Variants in MFSD8 observed in about 807,000 individuals in gnomAD.
The protein encoded by MFSD8 is major facilitator superfamily domain containing 8, also known as major facilitator superfamily domain-containing protein 8.
Under a neutral mutation model 66.4 loss-of-function variants are expected in MFSD8, and 55 were observed. The ratio of observed to expected loss-of-function variants is 0.83; its 90% confidence interval spans 0.67 to 1.04. MFSD8 has a LOEUF of 1.04. Among genes scored for constraint, MFSD8 ranks in the 50% least tolerant of loss-of-function variants. The pLI is 0.00. For synonymous variants in MFSD8, 202 were observed against 212.8 expected, an observed-to-expected ratio of 0.95 and a Z score of 0.44; for missense variants, 550 against 627.6, an observed-to-expected ratio of 0.88 and a Z score of 1.32.
intron 8 of MFSD8, 56 bp from the exon 9 acceptor site, chr4:127,930,873 AAAGTGAAGTG>A: frequency 6.6e-7 from 1 of 1,506,776 alleles, no homozygotes; most frequent in African/African-American, 1.4e-5. Flanking sequence ...TGTTATACTT[AAAGTGAAGTG>A]TAAGTTTTAA....
At chr4:127,947,540 T>C (rs1429097053) in intron 3 of MFSD8, among the ~76,000 whole-genome samples, 1 of 142,488 alleles carries the variant, frequency 7.0e-6, no homozygotes, top group African/African-American at 2.7e-5. Flanking sequence ...ATCACGCCAC[T>C]GCATGCCAGC....
At chr4:127,963,664 C>T (rs1004919004) in intron 1 of MFSD8, among the ~76,000 whole-genome samples, 1 of 152,158 alleles carries the variant, frequency 6.6e-6, no homozygotes, top group African/African-American at 2.4e-5. Flanking sequence ...AACTGCAGAC[C>T]TTCGCGGTGA....
At chr4:127,963,911 A>G (rs1222527873) in intron 1 of MFSD8, among the ~76,000 whole-genome samples, 1 of 152,108 alleles carries the variant, frequency 6.6e-6, no homozygotes, top group East Asian at 1.9e-4. Context: ...TCCCTGAGCT[A>G]GACACAAAGG....
At chr4:127,923,361 C>T (rs1452059734) in intron 9 of MFSD8, among the ~76,000 whole-genome samples, 1 of 151,754 alleles carries the variant, frequency 6.6e-6, no homozygotes, top group African/African-American at 2.4e-5. Flanking sequence ...TATCAAAGGC[C>T]TTTTCTGCAT....
intron 6 of MFSD8, chr4:127,939,409 T>A (rs1739717151): frequency 6.2e-6 from 1 of 161,174 alleles, no homozygotes; most frequent in East Asian, 1.8e-4. Flanking sequence ...CAGATCACTT[T>A]GAGGTCAGGA....
rs1469919553 is a variant in MFSD8 at position 127,917,970 on chromosome 4, C to G, written c.*2660G>C. ...ATGCAGGTAAGTAGTTTATCCTTGT[C>G]AAAACAAAAAATTAACAGATTTCAC... On this transcript the variant is annotated 3_prime_UTR_variant, in exon 12 of 12. Transcript: ENST00000641686. The G allele has an allele frequency of 6.6e-6, 1 of 151,886 alleles. No individual in the cohort carries two copies. The highest frequency in any genetic ancestry group is 2.4e-5 in the African/African-American group (1 of 41,338). 9.4% of individuals were successfully genotyped at this position (151,886 alleles called of 1,614,324 possible).
chr4:127,963,151 CTTAAAA>C (rs957899231), intron 1 of MFSD8, among the ~76,000 whole-genome samples: 1 of 152,138 alleles, frequency 6.6e-6, no homozygotes, highest in Non-Finnish European at 1.5e-5. Flanking sequence ...CCTTTAATGC[CTTAAAA>C]TTAGTCTTTC....
chr4:127,946,775 C>A (rs759195057), intron 3 of MFSD8, among the ~76,000 whole-genome samples: 9 of 151,958 alleles, frequency 5.9e-5, no homozygotes, highest in South Asian at 2.1e-4. Context: ...ATTAGCTGGG[C>A]GTGGTGGTGC....
intron 2 of MFSD8, among the ~76,000 whole-genome samples, chr4:127,953,203 T>C (rs938651555): frequency 6.6e-6 from 1 of 152,028 alleles, no homozygotes; most frequent in African/African-American, 2.4e-5. Flanking sequence ...TTAGTTGATG[T>C]TGGTTTAGAA....
In MFSD8 at chr4:127,942,065, A is replaced by G. The variant is rs201368623; in HGVS notation, c.533T>C (p.Leu178Ser). The G allele has an allele frequency of 6.2e-7, 1 of 1,613,958 alleles. No individual in the cohort carries two copies. Among genetic ancestry groups the G allele is most frequent in the African/African-American group, 1.3e-5 (1 of 75,064 alleles). Reference protein sequence around the residue: ...SMANISMCQALGFILGPVFQT... With the variant: ...SMANISMCQASGFILGPVFQT... ...CCTACCTGGACCTAGAATAAAACCT[A>G]ATGCTTGACACATGCTTATGTTTGC... is the stretch of plus-strand genomic sequence containing the variant. The change falls in exon 5 of 12, where the codon TTA (leucine) becomes TCA (serine). Residue 178 changes from leucine to serine, a missense_variant. Physicochemically the swap from Leu to Ser is moderately radical, Grantham distance 145. Coordinates refer to ENST00000641686, the MANE Select transcript of MFSD8 (RefSeq NM_001371596.2).
At chr4:127,946,946 C>A (rs958420071) in intron 3 of MFSD8, among the ~76,000 whole-genome samples, 2 of 147,980 alleles carry the variant, frequency 1.4e-5, no homozygotes, top group Non-Finnish European at 3.0e-5. Flanking sequence ...AAAAAAAAAA[C>A]AATCCTAACA....
At chr4:127,962,268 G>C (rs1180847631) in intron 1 of MFSD8, among the ~76,000 whole-genome samples, 1 of 152,124 alleles carries the variant, frequency 6.6e-6, no homozygotes, top group African/African-American at 2.4e-5. Context: ...AGGAGTTCCA[G>C]ATCAGCCTGG....
At chr4:127,965,536 A>T, upstream of MFSD8, 1 of 304,442 alleles carries the variant, frequency 3.3e-6, no homozygotes, top group South Asian at 3.2e-5. Flanking sequence ...TGAGTCCTGG[A>T]AAGGGAGCCT....
At chr4:127,941,238 T>C (rs188205482) in intron 5 of MFSD8, among the ~76,000 whole-genome samples, 1 of 152,310 alleles carries the variant, frequency 6.6e-6, no homozygotes, top group Admixed American at 6.5e-5. Flanking sequence ...TTCCCTTCTG[T>C]TGAGCCTTTT....
chr4:127,964,866 G>C (rs575678089), intron 1 of MFSD8: 65 of 645,158 alleles, frequency 1.0e-4, no homozygotes, highest in South Asian at 2.6e-4. Context: ...TCGAACCCAC[G>C]GGCTCATCAC....
rs1340317537 is a variant in MFSD8 at position 127,918,115 on chromosome 4, CCTT to C, written c.*2512_*2514del. ...AATCCCTTCAAAATATGAAAATCAT[CCTT>C]TCAAGTTTAAATTTGTTTTCAAAAA... is the stretch of plus-strand genomic sequence containing the variant. On this transcript the variant is annotated 3_prime_UTR_variant, in exon 12 of 12. Coordinates refer to ENST00000641686, the MANE Select transcript of MFSD8 (RefSeq NM_001371596.2). 6.6e-6 allele frequency: 1 copy of C among 152,112 alleles called. No individual in the cohort carries two copies. Among genetic ancestry groups the C allele is most frequent in the African/African-American group, 2.4e-5 (1 of 41,426 alleles). The allele number at this position is 152,112 out of a possible 1,614,324, so 9.4% of individuals were successfully genotyped here. A position where few individuals can be genotyped will look rare whatever the true frequency, so the allele number is the denominator to read the frequency against.
At chr4:127,938,749 GT>G in intron 7 of MFSD8, 33 bp downstream of exon 7, 1 of 1,543,166 alleles carries the variant, frequency 6.5e-7, no homozygotes, top group South Asian at 1.1e-5. Flanking sequence ...CTTTGATAAT[GT>G]TATATTAATT....
chr4:127,961,462 A>C (rs1475811912), intron 1 of MFSD8, among the ~76,000 whole-genome samples: 1 of 152,102 alleles, frequency 6.6e-6, no homozygotes, highest in East Asian at 1.9e-4. Context: ...ACCACATTTA[A>C]ACATAACTCA....
intron 3 of MFSD8, among the ~76,000 whole-genome samples, chr4:127,947,304 C>T (rs375453835): frequency 1.3e-5 from 2 of 151,928 alleles, no homozygotes; most frequent in Non-Finnish European, 2.9e-5. Context: ...GCATGTGAAT[C>T]GCTTGAACCC....
Sources: allele counts gnomAD v4.1 joint callset (sites outside exome capture counted in the v4.1 genomes callset), GRCh38; gene constraint gnomAD v4.1.1; transcripts MANE v1.5; gene names NCBI Gene and HGNC (gene_info 2026-07-23, HGNC 2026-07-21).